ZNF792: variants seen among roughly 807,000 people sequenced by gnomAD.
The protein encoded by ZNF792 is zinc finger protein 792.
Under a neutral mutation model 13.1 loss-of-function variants are expected in ZNF792, and 14 were observed. The observed-to-expected ratio is 1.07, with a 90% confidence interval of 0.71 to 1.67. The LOEUF is 1.67. Ranked by LOEUF, ZNF792 falls within the 40% of genes most tolerant of loss-of-function variation. The probability of loss-of-function intolerance (pLI) is 0.00; values close to 1 mark genes in which losing one functional copy is unlikely to be tolerated. For synonymous variants in ZNF792, 257 were observed against 292.0 expected, an observed-to-expected ratio of 0.88 and a Z score of 1.22; for missense variants, 740 against 807.9, an observed-to-expected ratio of 0.92 and a Z score of 1.02.
Position 34,960,351 on chromosome 19 carries a change from A to T in ZNF792, c.167T>A (p.Ile56Lys). The change falls in exon 3 of 4, where the codon ATA becomes AAA. Residue 56 changes from isoleucine to lysine, a missense_variant. By Grantham distance (102) the Ile-to-Lys change is moderately radical (BLOSUM62 -3). Coordinates refer to ENST00000404801, the MANE Select transcript of ZNF792 (RefSeq NM_175872.5). ...NFALIASLGL[I>K]SFRSHIVSQL... ...GGAAACGATGTGGGACCTGAAAGAT[A>T]TAAGTCCTAAGGGAAAGACAGAGTG... is the stretch of plus-strand genomic sequence containing the variant. The T allele has an allele frequency of 6.2e-7, 1 of 1,613,038 alleles. No individual in the cohort carries two copies. The highest frequency in any genetic ancestry group is 1.1e-5 in the South Asian group (1 of 90,982).
intron 3 of ZNF792, 119 bp downstream of exon 3, chr19:34,960,116 G>C (rs1162345019): frequency 7.1e-6 from 10 of 1,416,606 alleles, no homozygotes; most frequent in Non-Finnish European, 6.7e-6. Context: ...AGGAAAAGCA[G>C]AGACGTGGTC....
chr19:34,963,854 G>A lies in ZNF792; in HGVS notation c.-192C>T. On this transcript the variant is annotated 5_prime_UTR_variant, in exon 1 of 4. Coordinates refer to ENST00000404801, the MANE Select transcript of ZNF792 (RefSeq NM_175872.5). ...AAGGGGCCCGGGGCGCAGGCTCCGG[G>A]GGCGCCGAGAGCGCGCAGCTCCGCT... is the stretch of plus-strand genomic sequence containing the variant. 1.6e-6 allele frequency: 1 copy of A among 640,048 alleles called. No individual in the cohort carries two copies. Among genetic ancestry groups the A allele is most frequent in the South Asian group, 2.2e-5 (1 of 44,874 alleles). The allele number at this position is 640,048 out of a possible 1,614,324, so 39.6% of individuals were successfully genotyped here.
At position 34,958,977 on chromosome 19, in the gene ZNF792, T is replaced by A. The variant is rs558891827; in HGVS notation, c.878A>T (p.Tyr293Phe). ...CTGGTGTTGAGTGAGGTCAGCGGCG[T>A]AAGTGAAGAAGATTCCACATTTGCT... ...ECSKCGIFFT[Y>F]AADLTQHQKV... Residue 293 changes from tyrosine to phenylalanine, a missense_variant, in exon 4 of 4, where the codon TAC (tyrosine) becomes TTC (phenylalanine). Tyr to Phe is a conservative substitution (Grantham distance 22). Transcript: ENST00000404801. 6.2e-7 allele frequency: 1 copy of A among 1,614,192 alleles called. No individual in the cohort carries two copies. Among genetic ancestry groups the A allele is most frequent in the African/African-American group, 1.3e-5 (1 of 75,066 alleles).
At position 34,958,852 on chromosome 19, in the gene ZNF792, C is replaced by CA; in HGVS notation, c.1002dup (p.Glu335Ter). 1 of 1,612,450 alleles carries CA rather than the reference C, an allele frequency of 6.2e-7. No homozygotes were observed. Reference sequence around the variant, plus strand: ...CAGTCACCACACACGTGAGGGCTTTCACCGGTGTGAACCCTGCGATGTTTA... The same window carrying CA: ...CAGTCACCACACACGTGAGGGCTTTCAACCGGTGTGAACCCTGCGATGTTTA... On this transcript the variant is annotated frameshift_variant, in exon 4 of 4. Transcript: ENST00000404801. LOFTEE classifies it low-confidence loss of function (END_TRUNC).
rs953865617 is a variant in ZNF792 at position 34,963,827 on chromosome 19, G to A, written c.-165C>T. 2.3e-5 allele frequency: 18 copies of A among 788,222 alleles called. No individual in the cohort carries two copies. Among genetic ancestry groups the A allele is most frequent in the Non-Finnish European group, 3.3e-5 (17 of 521,402 alleles). 48.8% of individuals were successfully genotyped at this position (788,222 alleles called of 1,614,324 possible). On this transcript the variant is annotated 5_prime_UTR_variant, in exon 1 of 4. Coordinates refer to ENST00000404801, the MANE Select transcript of ZNF792 (RefSeq NM_175872.5). ...CCTCAGTCTCCCCCGTGCAAAATGC[G>A]CAAGGGGCCCGGGGCGCAGGCTCCG...
chr19:34,959,239 A>G lies in ZNF792; in HGVS notation c.616T>C (p.Ser206Pro). ...TCCCTGCAGGTGGAAAGCTGATCTG[A>G]TGTGTGGTCTCTGCAGGTCTTTACA... ...SPVKTCRDHT[S>P]DQLSTCREGG... Residue 206 changes from serine (S) to proline (P), a missense_variant, in exon 4 of 4, where the codon TCA becomes CCA. Physicochemically the swap from Ser to Pro is moderately conservative, Grantham distance 74. Transcript: ENST00000404801. 1 of 1,613,956 alleles carries G rather than the reference A, an allele frequency of 6.2e-7. No homozygotes were observed. Among genetic ancestry groups the G allele is most frequent in the Non-Finnish European group, 8.5e-7 (1 of 1,179,896 alleles).
chr19:34,960,317 C>T lies in ZNF792; in HGVS notation c.201G>A (p.Glu67=). Residue 67 remains glutamate (E), a synonymous_variant, in exon 3 of 4, where the codon GAG becomes GAA. Transcript: ENST00000404801. ...CAGGCACCCAGGGCTCTTTCCCCAT[C>T]TCCAACTGGGAAACGATGTGGGACC... ...SFRSHIVSQL[E]MGKEPWVPDS... 1 of 1,613,778 alleles carries T rather than the reference C, an allele frequency of 6.2e-7. No individual in the cohort carries two copies. Among genetic ancestry groups the T allele is most frequent in the Admixed American group, 1.7e-5 (1 of 60,016 alleles).
At position 34,960,946 on chromosome 19, in the gene ZNF792, A is replaced by G; in HGVS notation, c.82T>C (p.Trp28Arg). ...DVTIYFSQEEWVLLDEAQRLL... is the reference protein window; with the variant it reads ...DVTIYFSQEERVLLDEAQRLL... ...CTCTGAGCCTCATCGAGGAGCACCCACTCCTCCTGGGAGAAGTAAATGGTC... is the reference window on the plus strand; with the variant it reads ...CTCTGAGCCTCATCGAGGAGCACCCGCTCCTCCTGGGAGAAGTAAATGGTC... Residue 28 changes from tryptophan (W) to arginine (R), a missense_variant, in exon 2 of 4, where the codon TGG (tryptophan) becomes CGG (arginine). Trp to Arg is a moderately radical substitution (Grantham distance 101). Coordinates refer to ENST00000404801, the MANE Select transcript of ZNF792 (RefSeq NM_175872.5). The G allele has an allele frequency of 1.2e-6, 2 of 1,613,690 alleles. No individual in the cohort carries two copies. Among genetic ancestry groups the G allele is most frequent in the Non-Finnish European group, 1.7e-6 (2 of 1,179,852 alleles).
rs3746243 is a variant in ZNF792 at position 34,958,178 on chromosome 19, G to A, written c.1677C>T (p.Asp559=). The A allele has an allele frequency of 0.19, 307,115 of 1,613,504 alleles. 30,956 individuals carry two copies. Among genetic ancestry groups the A allele is most frequent in the East Asian group, 0.36 (16,313 of 44,832 alleles). ...CACATTCGCTGCATTCGTAAGGCCT[G>A]TCTGGTTTGTGAACTTTCAGGTGCT... ...LRQHLKVHKP[D]RPYECSECGK... is the part of the protein sequence containing the mutation. Residue 559 remains aspartate (D), a synonymous_variant, in exon 4 of 4, where the codon GAC becomes GAT. Coordinates refer to ENST00000404801, the MANE Select transcript of ZNF792 (RefSeq NM_175872.5).
At chr19:34,960,411 C>T in intron 2 of ZNF792, 54 bp from the exon 3 acceptor site, 2 of 1,591,876 alleles carry the variant, frequency 1.3e-6, no homozygotes, top group South Asian at 2.3e-5. Flanking sequence ...TTGAACTACC[C>T]CATGATAGAC....
chr19:34,961,059 C>G (rs943377531), intron 1 of ZNF792, 65 bp from the exon 2 acceptor site: 29 of 1,556,854 alleles, frequency 1.9e-5, no homozygotes, highest in Non-Finnish European at 2.5e-5. Context: ...TATCCATCCC[C>G]TGCTCACTCT....
Position 34,959,076 on chromosome 19 carries a change from C to T in ZNF792, c.779G>A (p.Gly260Glu), listed in dbSNP as rs2013484213. The T allele has an allele frequency of 1.2e-6, 2 of 1,614,066 alleles. No homozygotes were observed. The highest frequency in any genetic ancestry group is 1.3e-5 in the African/African-American group (1 of 74,928). The change falls in exon 4 of 4, where the codon GGG becomes GAG. Residue 260 changes from glycine (G) to glutamate (E), a missense_variant. Coordinates refer to ENST00000404801, the MANE Select transcript of ZNF792 (RefSeq NM_175872.5). Reference sequence around the variant, plus strand: ...AGTGGATTTGTTATTGAAGGCATCCCCAGATTCACAGCACTTGTTATGCCT... The same window carrying T: ...AGTGGATTTGTTATTGAAGGCATCCTCAGATTCACAGCACTTGTTATGCCT... ...ALRHNKCCES[G>E]DAFNNKSTLV...
intron 2 of ZNF792, 41 bp downstream of exon 2, chr19:34,960,827 G>A: frequency 6.2e-7 from 1 of 1,613,608 alleles, no homozygotes; most frequent in East Asian, 2.2e-5. Context: ...GGGACAGGCA[G>A]AGAGGAGCTC....
rs2013443367 is a variant in ZNF792, at chr19:34,957,133, T to A, written c.*823A>T. On this transcript the variant is annotated 3_prime_UTR_variant, in exon 4 of 4. Coordinates refer to ENST00000404801, the MANE Select transcript of ZNF792 (RefSeq NM_175872.5). Reference sequence around the variant, plus strand: ...CTGAACTTCAGGGCATATGGCTCCTTGGCAGGTGCTAAACAGCATCTGCTT... The same window carrying A: ...CTGAACTTCAGGGCATATGGCTCCTAGGCAGGTGCTAAACAGCATCTGCTT... 6.6e-6 allele frequency: 1 copy of A among 152,234 alleles called. No homozygotes were observed. The highest frequency in any genetic ancestry group is 2.4e-5 in the African/African-American group (1 of 41,456). 9.4% of individuals were successfully genotyped at this position (152,234 alleles called of 1,614,324 possible).
chr19:34,962,397 G>A (rs1226622037), intron 1 of ZNF792, among the ~76,000 whole-genome samples: 2 of 152,206 alleles, frequency 1.3e-5, no homozygotes, highest in Non-Finnish European at 2.9e-5. Context: ...TCGTAGGTGG[G>A]TGAACTAGAA....
At chr19:34,961,575 G>A (rs2013528488) in intron 1 of ZNF792, among the ~76,000 whole-genome samples, 1 of 152,080 alleles carries the variant, frequency 6.6e-6, no homozygotes, top group African/African-American at 2.4e-5. Context: ...AAGGGGGAGA[G>A]GGAGCGCTCC....
intron 2 of ZNF792, 118 bp from the exon 3 acceptor site, chr19:34,960,475 A>C: frequency 7.8e-7 from 1 of 1,275,178 alleles, no homozygotes; most frequent in Non-Finnish European, 1.1e-6. Context: ...CACGGCAAGC[A>C]GTAACCACAT....
Position 34,958,339 on chromosome 19 carries a change from A to G in ZNF792, c.1516T>C (p.Tyr506His), listed in dbSNP as rs2013466976. 2 of 1,612,676 alleles carry G rather than the reference A, an allele frequency of 1.2e-6. No individual in the cohort carries two copies. Among genetic ancestry groups the G allele is most frequent in the Non-Finnish European group, 1.7e-6 (2 of 1,179,406 alleles). The change falls in exon 4 of 4, where the codon TAC (tyrosine) becomes CAC (histidine). Residue 506 changes from tyrosine to histidine, a missense_variant. Physicochemically the swap from Tyr to His is moderately conservative, Grantham distance 83 (BLOSUM62 2). Transcript: ENST00000404801. ...AATTTCCCACATTCACTGCACTGGT[A>G]AGGCCGTTCACCAGTGTGAAGTCTC... is the stretch of plus-strand genomic sequence containing the variant. ...HRRLHTGERP[Y>H]QCSECGKFFN... is the part of the protein sequence containing the mutation.
intron 1 of ZNF792, among the ~76,000 whole-genome samples, chr19:34,963,423 C>A (rs1301781663): frequency 2.6e-5 from 4 of 152,136 alleles, no homozygotes; most frequent in Non-Finnish European, 5.9e-5. Flanking sequence ...CATCCCATTA[C>A]ATTTCAGCAA....
Sources: allele counts gnomAD v4.1 joint callset (sites outside exome capture counted in the v4.1 genomes callset), GRCh38; gene constraint gnomAD v4.1.1; transcripts MANE v1.5; gene names NCBI Gene and HGNC (gene_info 2026-07-23, HGNC 2026-07-21).